Variants in SLC2A9 observed in about 807,000 individuals in gnomAD.
SLC2A9 encodes the protein solute carrier family 2, facilitated glucose transporter member 9.
A neutral mutation model predicts 50.6 loss-of-function variants in SLC2A9; 39 were observed. The observed-to-expected ratio is 0.77, with a 90% confidence interval of 0.60 to 1.01. The LOEUF (loss-of-function observed/expected upper bound fraction) is 1.01, where lower values mean the gene tolerates loss of function less well. Among genes scored for constraint, SLC2A9 ranks in the 50% least tolerant of loss-of-function variants. The pLI is 0.00. For missense variants in SLC2A9, 686 were observed against 677.6 expected (o/e 1.01, Z -0.14); for synonymous variants, 324 against 276.9 (o/e 1.17, Z -1.69).
At chr4:9,879,005 AT>A in intron 10 of SLC2A9, 2 of 978,822 alleles carry the variant, frequency 2.0e-6, no homozygotes, top group Non-Finnish European at 2.4e-6. Context: ...CTTAATGAGT[AT>A]GTTTTGAATG....
rs1168057908 is a variant in SLC2A9, at chr4:9,829,327, C to T, written c.1420-2727G>A. On this transcript the variant is annotated intron_variant, in intron 11 of 11. Coordinates refer to ENST00000264784, the MANE Select transcript of SLC2A9 (RefSeq NM_020041.3). ...ACTGAGGTAAAGATTAAAACTGGAC[C>T]CCCTCCTTACACCTTATACAAAAAT... is the stretch of plus-strand genomic sequence containing the variant. 2.0e-5 allele frequency among the ~76,000 whole-genome samples: 3 copies of T among 151,956 alleles called. No individual in the cohort carries two copies. In the East Asian group the frequency reaches 5.8e-4, roughly 29 times the overall value.
At chr4:9,907,666 G>T (rs1199679708) in intron 8 of SLC2A9, among the ~76,000 whole-genome samples, 1 of 152,190 alleles carries the variant, frequency 6.6e-6, no homozygotes, top group Admixed American at 6.5e-5. Context: ...AACTCCTGGG[G>T]ACAATATGGC....
intron 2 of SLC2A9, among the ~76,000 whole-genome samples, chr4:10,002,117 G>T (rs1759939544): frequency 6.6e-6 from 1 of 152,252 alleles, no homozygotes; most frequent in African/African-American, 2.4e-5. Context: ...CAGCGGTGCA[G>T]TCAATGGCAG....
At chr4:9,950,828 G>A (rs1750094890) in intron 5 of SLC2A9, among the ~76,000 whole-genome samples, 1 of 39,448 alleles carries the variant, frequency 2.5e-5, no homozygotes. Context: ...GGGAGGCGGA[G>A]CTTGCAGTGA....
chr4:9,839,074 G>A (rs1727576757), intron 10 of SLC2A9, among the ~76,000 whole-genome samples: 1 of 152,154 alleles, frequency 6.6e-6, no homozygotes, highest in African/African-American at 2.4e-5. Context: ...ACAACCTATA[G>A]AATGGGAGAA....
intron 3 of SLC2A9, among the ~76,000 whole-genome samples, chr4:9,992,718 T>C (rs942045837): frequency 1.3e-5 from 2 of 152,178 alleles, no homozygotes; most frequent in African/African-American, 2.4e-5. Context: ...TTAAAAGCTA[T>C]CATCTGAGCC....
chr4:9,842,220 T>G lies in SLC2A9; in HGVS notation c.1292-7212A>C, dbSNP rs1185549124. 2.0e-5 allele frequency among the ~76,000 whole-genome samples: 3 copies of G among 152,206 alleles called. No homozygotes were observed. The East Asian group carries it at 5.8e-4, about 29-fold the overall frequency. ...AAGTCTATACATGACCATATTTACC[T>G]AAAATCCCTTGATTATTAGCTTTTC... On this transcript the variant is annotated intron_variant, in intron 10 of 11. Coordinates refer to ENST00000264784, the MANE Select transcript of SLC2A9 (RefSeq NM_020041.3).
intron 2 of SLC2A9, among the ~76,000 whole-genome samples, chr4:9,999,301 A>T (rs1000865511): frequency 6.6e-6 from 1 of 151,790 alleles, no homozygotes; most frequent in Non-Finnish European, 1.5e-5. Context: ...GGCTCATGCG[A>T]TCCTCCCGCT....
At chr4:9,921,760 T>C (rs1351118557) in intron 6 of SLC2A9, among the ~76,000 whole-genome samples, 1 of 152,252 alleles carries the variant, frequency 6.6e-6, no homozygotes, top group African/African-American at 2.4e-5. Flanking sequence ...GAGCAATGTT[T>C]CTGTTTCATG....
At chr4:9,907,492 AT>A (rs1740902137) in intron 8 of SLC2A9, among the ~76,000 whole-genome samples, 1 of 152,226 alleles carries the variant, frequency 6.6e-6, no homozygotes, top group Admixed American at 6.5e-5. Flanking sequence ...ATATTGGCTT[AT>A]TATTAAGGTC....
chr4:9,829,615 C>A (rs1377000436), intron 11 of SLC2A9, among the ~76,000 whole-genome samples: 2 of 151,982 alleles, frequency 1.3e-5, no homozygotes, highest in South Asian at 2.1e-4. Flanking sequence ...TGCAATCTAT[C>A]CATCTGACAG....
intron 8 of SLC2A9, 73 bp from the exon 9 acceptor site, chr4:9,890,784 G>T: frequency 7.4e-7 from 1 of 1,357,334 alleles, no homozygotes; most frequent in Non-Finnish European, 1.0e-6. Context: ...GTGGCACTGG[G>T]AACCGGCAAT....
intron 2 of SLC2A9, among the ~76,000 whole-genome samples, chr4:9,998,512 G>A (rs1324075356): frequency 6.6e-6 from 1 of 152,204 alleles, no homozygotes; most frequent in Admixed American, 6.5e-5. Flanking sequence ...GATCTGGTAA[G>A]ACTGAGGAGT....
intron 3 of SLC2A9, among the ~76,000 whole-genome samples, chr4:9,810,040 A>C (rs951529807): frequency 2.0e-5 from 3 of 152,128 alleles, no homozygotes; most frequent in Non-Finnish European, 4.4e-5. Flanking sequence ...CAATCCAGAC[A>C]CTTCTAGCAC....
intron 5 of SLC2A9, 99 bp downstream of exon 5, chr4:9,980,493 A>G: frequency 6.4e-7 from 1 of 1,552,100 alleles, no homozygotes; most frequent in Non-Finnish European, 8.8e-7. Flanking sequence ...AATACCAGAA[A>G]TTGCAAAATA....
intron 1 of SLC2A9, among the ~76,000 whole-genome samples, chr4:9,772,662 C>T (rs949438017): frequency 6.6e-6 from 1 of 152,186 alleles, no homozygotes; most frequent in African/African-American, 2.4e-5. Flanking sequence ...GAAATAAACA[C>T]TTGTTTTAAG....
At chr4:10,012,631 C>T (rs891888793) in intron 2 of SLC2A9, among the ~76,000 whole-genome samples, 1 of 152,110 alleles carries the variant, frequency 6.6e-6, no homozygotes, top group Non-Finnish European at 1.5e-5. Flanking sequence ...GAAGACATTT[C>T]TGAGGAGGGG....
intron 9 of SLC2A9, among the ~76,000 whole-genome samples, chr4:9,889,577 C>T (rs1326353411): frequency 1.3e-5 from 2 of 152,172 alleles, no homozygotes; most frequent in South Asian, 2.1e-4. Context: ...CACCTCCTGC[C>T]GGTCAGCGTG....
At chr4:9,854,758 T>C (rs918283995) in intron 10 of SLC2A9, among the ~76,000 whole-genome samples, 2 of 152,232 alleles carry the variant, frequency 1.3e-5, no homozygotes, top group Non-Finnish European at 2.9e-5. Flanking sequence ...CAATAGCTTA[T>C]CCACTATGAG....
Sources: allele counts gnomAD v4.1 joint callset (sites outside exome capture counted in the v4.1 genomes callset), GRCh38; gene constraint gnomAD v4.1.1; transcripts MANE v1.5; gene names NCBI Gene and HGNC (gene_info 2026-07-23, HGNC 2026-07-21).